The following MCF2L2 variants were observed in gnomAD, a reference collection of about 807,000 sequenced individuals.
The protein encoded by MCF2L2 is probable guanine nucleotide exchange factor MCF2L2.
MCF2L2 carries 102 observed loss-of-function variants against 150.2 expected under a neutral mutation model. The ratio of observed to expected loss-of-function variants is 0.68; its 90% CI spans 0.58 to 0.80. The LOEUF is 0.80. MCF2L2 is among the 30% of genes least tolerant of loss of function. The probability of loss-of-function intolerance (pLI) is 0.00; values close to 1 mark genes in which losing one functional copy is unlikely to be tolerated. For synonymous variants in MCF2L2, 465 were observed against 491.3 expected, an observed-to-expected ratio of 0.95 and a Z score of 0.71; for missense variants, 1,256 against 1,372.8, an observed-to-expected ratio of 0.91 and a Z score of 1.34.
chr3:183,207,918 T>G, intron 22 of MCF2L2, 95 bp from the exon 23 acceptor site: 1 of 901,084 alleles, frequency 1.1e-6, no homozygotes, highest in Non-Finnish European at 1.7e-6. Context: ...TAAAGCATGC[T>G]TCTTTGAGGT....
chr3:183,337,058 GAGA>G (rs1730512020), intron 5 of MCF2L2, among the ~76,000 whole-genome samples: 1 of 152,060 alleles, frequency 6.6e-6, no homozygotes, highest in African/African-American at 2.4e-5. Flanking sequence ...TTTCTCTCAA[GAGA>G]ATATATTTGA....
chr3:183,294,054 G>T (rs1408366809), intron 13 of MCF2L2, among the ~76,000 whole-genome samples: 1 of 152,086 alleles, frequency 6.6e-6, no homozygotes, highest in African/African-American at 2.4e-5. Context: ...AATCCCAGCA[G>T]AAATTGAAAG....
chr3:183,294,149 G>T (rs1039736116), intron 13 of MCF2L2, among the ~76,000 whole-genome samples: 2 of 152,160 alleles, frequency 1.3e-5, no homozygotes, highest in African/African-American at 2.4e-5. Context: ...AACATCGCAT[G>T]ACTTGATCTT....
chr3:183,286,710 C>G (rs192286163), intron 14 of MCF2L2, among the ~76,000 whole-genome samples: 93 of 152,334 alleles, frequency 6.1e-4, no homozygotes, highest in Non-Finnish European at 1.2e-3. Context: ...TTTCTTCCTG[C>G]TCATGTTGTT....
At chr3:183,328,061 GGAA>G (rs551051498) in intron 5 of MCF2L2, among the ~76,000 whole-genome samples, 156 of 152,176 alleles carry the variant, frequency 1.0e-3, no homozygotes, top group Middle Eastern at 3.4e-3. Flanking sequence ...CTGACCTCTG[GGAA>G]GAAGAAGATT....
intron 1 of MCF2L2, among the ~76,000 whole-genome samples, chr3:183,398,250 T>C (rs565122564): frequency 6.6e-6 from 1 of 152,286 alleles, no homozygotes; most frequent in Admixed American, 6.5e-5. Context: ...GCAAAAATGA[T>C]GTCTTACTTC....
intron 22 of MCF2L2, 49 bp from the exon 23 acceptor site, chr3:183,207,872 G>T: frequency 7.0e-7 from 1 of 1,433,280 alleles, no homozygotes; most frequent in Non-Finnish European, 9.7e-7. Context: ...TTACTTGACA[G>T]AGAAAGAAGC....
chr3:183,187,349 G>C (rs546999549), intron 27 of MCF2L2, among the ~76,000 whole-genome samples: 1 of 152,286 alleles, frequency 6.6e-6, no homozygotes, highest in Admixed American at 6.5e-5. Flanking sequence ...TCATTTTTAT[G>C]TCTTTCACAT....
intron 19 of MCF2L2, 128 bp downstream of exon 19, chr3:183,223,970 G>C: frequency 1.3e-6 from 1 of 745,442 alleles, no homozygotes; most frequent in South Asian, 1.6e-5. Flanking sequence ...TAATTTCAAA[G>C]TATGGGACAC....
intron 18 of MCF2L2, 177 bp downstream of exon 18, chr3:183,228,120 G>T: frequency 1.8e-6 from 1 of 570,284 alleles, no homozygotes; most frequent in Non-Finnish European, 3.2e-6. Flanking sequence ...AAACCATCAT[G>T]TTGTATAGTT....
intron 15 of MCF2L2, among the ~76,000 whole-genome samples, chr3:183,252,938 C>G (rs1326704150): frequency 6.6e-6 from 1 of 152,170 alleles, no homozygotes; most frequent in Non-Finnish European, 1.5e-5. Context: ...GTCCGCATCT[C>G]TCGATATTGT....
chr3:183,182,208 T>C (rs1297576597), intron 27 of MCF2L2, among the ~76,000 whole-genome samples: 1 of 152,090 alleles, frequency 6.6e-6, no homozygotes, highest in Non-Finnish European at 1.5e-5. Context: ...ATCCTCCCAG[T>C]GCTGTCAACC....
chr3:183,286,293 G>C (rs1727788236), intron 14 of MCF2L2, among the ~76,000 whole-genome samples: 1 of 151,992 alleles, frequency 6.6e-6, no homozygotes, highest in Non-Finnish European at 1.5e-5. Context: ...CAAAGGGGTG[G>C]CATTTATCAC....
Position 183,297,149 on chromosome 3 carries a change from C to A in MCF2L2, c.1324G>T (p.Ala442Ser). The part of the protein sequence containing the change: ...QLDKVSQWCE[A>S]GIYLLASQAV... ...TGGGAAGCCAAGAGGTAGATTCCTGCCTCACACCATTGGCTGACCTTTTGG... is the reference window on the plus strand; with the variant it reads ...TGGGAAGCCAAGAGGTAGATTCCTGACTCACACCATTGGCTGACCTTTTGG... The change falls in exon 12 of 30, where the codon GCA (alanine) becomes TCA (serine). Residue 442 changes from alanine to serine, a missense_variant. Coordinates refer to ENST00000328913, the MANE Select transcript of MCF2L2 (RefSeq NM_015078.4). 6.2e-7 allele frequency: 1 copy of A among 1,613,966 alleles called. No homozygotes were observed. The highest frequency in any genetic ancestry group is 8.5e-7 in the Non-Finnish European group (1 of 1,179,922).
At chr3:183,232,259 C>T (rs1053148333) in intron 15 of MCF2L2, among the ~76,000 whole-genome samples, 20 of 152,122 alleles carry the variant, frequency 1.3e-4, no homozygotes, top group African/African-American at 2.2e-4. Context: ...TGCAAGGAAC[C>T]GAGTCCTGCC....
chr3:183,427,766 G>T, intron 1 of MCF2L2, 136 bp downstream of exon 1: 1 of 749,272 alleles, frequency 1.3e-6, no homozygotes, highest in Non-Finnish European at 2.3e-6. Flanking sequence ...CCAGAGCAGC[G>T]AGGCCCAGAT....
intron 27 of MCF2L2, chr3:183,180,424 C>T: frequency 2.4e-6 from 1 of 415,440 alleles, no homozygotes; most frequent in African/African-American, 2.0e-5. Flanking sequence ...TCCAAGAAAA[C>T]AGTCATTGTT....
intron 27 of MCF2L2, among the ~76,000 whole-genome samples, chr3:183,184,610 G>A (rs899272901): frequency 1.3e-5 from 2 of 152,326 alleles, no homozygotes; most frequent in Admixed American, 1.3e-4. Flanking sequence ...AGGAAATCTA[G>A]TGTTCACATT....
chr3:183,291,258 G>A (rs923757793), intron 13 of MCF2L2, among the ~76,000 whole-genome samples: 6 of 152,106 alleles, frequency 3.9e-5, no homozygotes, highest in African/African-American at 1.4e-4. Context: ...AGTGAAAGGC[G>A]GGGCCACAGA....
Sources: gnomAD v4.1 joint callset for allele counts (sites outside exome capture counted in the v4.1 genomes callset) on GRCh38, gnomAD v4.1.1 for gene constraint, MANE v1.5 for transcripts, NCBI Gene and HGNC (gene_info 2026-07-23, HGNC 2026-07-21) for gene names.